TPST2: variants seen among roughly 807,000 people sequenced by gnomAD.
TPST2 encodes the protein tyrosylprotein sulfotransferase 2, also known as protein-tyrosine sulfotransferase 2.
In TPST2, 16 loss-of-function variants were observed where a neutral mutation model predicts 27.8. That is an observed-to-expected ratio of 0.58 (90% CI 0.39 to 0.88). The LOEUF (loss-of-function observed/expected upper bound fraction) is 0.88, where lower values mean the gene tolerates loss of function less well. TPST2 is among the 40% of genes least tolerant of loss of function. TPST2 has a pLI of 0.00. For missense variants in TPST2, 464 were observed against 543.1 expected, an observed-to-expected ratio of 0.85 and a Z score of 1.45; for synonymous variants, 229 against 231.7, an observed-to-expected ratio of 0.99 and a Z score of 0.10.
chr22:26,581,019 TAC>T (rs10540036), intron 1 of TPST2, among the ~76,000 whole-genome samples: 9,312 of 120,014 alleles, frequency 0.078, 306 homozygotes, highest in African/African-American at 0.11. Context: ...TCAACATACA[TAC>T]ACACACACAC....
chr22:26,543,167 T>C (rs1247097167), intron 2 of TPST2: 1 of 152,228 alleles, frequency 6.6e-6, no homozygotes, highest in East Asian at 1.9e-4. Flanking sequence ...GATCTCAGGC[T>C]GGGGTCACCG....
intron 1 of TPST2, among the ~76,000 whole-genome samples, chr22:26,577,351 C>CTT (rs546973106): frequency 1.7e-4 from 24 of 143,768 alleles, no homozygotes; most frequent in Middle Eastern, 3.5e-3. Flanking sequence ...AATATTTGCT[C>CTT]TTTTTTTTTT....
intron 1 of TPST2, among the ~76,000 whole-genome samples, chr22:26,585,847 G>A (rs754147223): frequency 1.3e-5 from 2 of 152,120 alleles, no homozygotes; most frequent in Admixed American, 6.5e-5. Context: ...TCAGGAGATC[G>A]AGACCATCCT....
rs1341604842 is a variant in TPST2, at chr22:26,523,278, T to C, written c.*2997A>G. ...CAAAATGGTTTTTTCCATACGTCTTTAAGATGATAATATTTATATGTTCAA... is the reference window on the plus strand; with the variant it reads ...CAAAATGGTTTTTTCCATACGTCTTCAAGATGATAATATTTATATGTTCAA... On this transcript the variant is annotated 3_prime_UTR_variant, in exon 7 of 7. Transcript: ENST00000338754. 1 of 152,228 alleles carries C rather than the reference T, an allele frequency of 6.6e-6. No individual in the cohort carries two copies. The highest frequency in any genetic ancestry group is 1.5e-5 in the Non-Finnish European group (1 of 68,044). 9.4% of individuals were successfully genotyped at this position (152,228 alleles called of 1,614,324 possible). A position where few individuals can be genotyped will look rare whatever the true frequency, so the allele number is the denominator to read the frequency against.
At chr22:26,536,995 A>G (rs1476533450) in intron 3 of TPST2, among the ~76,000 whole-genome samples, 2 of 152,148 alleles carry the variant, frequency 1.3e-5, no homozygotes, top group Admixed American at 1.3e-4. Context: ...AGAAGCAGTG[A>G]GCCTGAGCTG....
intron 1 of TPST2, 134 bp from the exon 2 acceptor site, chr22:26,544,809 C>T (rs1485223273): frequency 1.0e-5 from 3 of 289,822 alleles, no homozygotes; most frequent in South Asian, 1.3e-4. Context: ...CTCTGGAATG[C>T]AGGGGAGGCT....
At chr22:26,534,135 C>A (rs1925321716) in intron 4 of TPST2, among the ~76,000 whole-genome samples, 3 of 152,142 alleles carry the variant, frequency 2.0e-5, no homozygotes, top group African/African-American at 7.2e-5. Flanking sequence ...TCAGGGGCCA[C>A]ACATGGCTAG....
At chr22:26,583,460 C>T (rs1170144779) in intron 1 of TPST2, among the ~76,000 whole-genome samples, 2 of 114,914 alleles carry the variant, frequency 1.7e-5, no homozygotes, top group Non-Finnish European at 3.9e-5. Context: ...AAAAAAATGC[C>T]TTGAGGGCTT....
chr22:26,556,318 C>A (rs760096537), intron 1 of TPST2, among the ~76,000 whole-genome samples: 2 of 152,034 alleles, frequency 1.3e-5, no homozygotes, highest in African/African-American at 2.4e-5. Flanking sequence ...GTGGGCGGAT[C>A]ACCTGAGGTC....
At chr22:26,558,888 G>A (rs1422708284) in intron 1 of TPST2, among the ~76,000 whole-genome samples, 1 of 152,230 alleles carries the variant, frequency 6.6e-6, no homozygotes, top group Non-Finnish European at 1.5e-5. Context: ...AATAGGACAA[G>A]TGATGTTGCG....
At chr22:26,548,446 G>C (rs1016354607) in intron 1 of TPST2, among the ~76,000 whole-genome samples, 5 of 150,868 alleles carry the variant, frequency 3.3e-5, no homozygotes, top group African/African-American at 9.8e-5. Context: ...GAAAGGAAAG[G>C]GGAAAGGTAA....
chr22:26,578,732 G>T (rs1420063774), intron 1 of TPST2, among the ~76,000 whole-genome samples: 2 of 152,092 alleles, frequency 1.3e-5, no homozygotes, highest in African/African-American at 4.8e-5. Context: ...TCTGAGGCAT[G>T]GAAGACCCAG....
At chr22:26,551,385 T>C (rs1344224820) in intron 1 of TPST2, among the ~76,000 whole-genome samples, 1 of 152,192 alleles carries the variant, frequency 6.6e-6, no homozygotes, top group Non-Finnish European at 1.5e-5. Context: ...TATCATTGCA[T>C]TTTGTCTTAA....
At chr22:26,589,134 A>G (rs2145947702) in intron 1 of TPST2, among the ~76,000 whole-genome samples, 1 of 152,278 alleles carries the variant, frequency 6.6e-6, no homozygotes, top group South Asian at 2.1e-4. Flanking sequence ...GCTCTGCCAC[A>G]TCCTAGCTGT....
chr22:26,585,821 C>T (rs1044693892), intron 1 of TPST2, among the ~76,000 whole-genome samples: 2 of 152,104 alleles, frequency 1.3e-5, no homozygotes, highest in Non-Finnish European at 2.9e-5. Flanking sequence ...GAGGCCGAGG[C>T]GGGCGGATCA....
intron 5 of TPST2, among the ~76,000 whole-genome samples, chr22:26,529,629 G>T (rs184869665): frequency 1.3e-4 from 20 of 152,334 alleles, no homozygotes; most frequent in African/African-American, 4.8e-4. Flanking sequence ...ACATTGAGAG[G>T]CTGGGAGGGT....
At chr22:26,557,307 G>GCAT (rs1926852620) in intron 1 of TPST2, among the ~76,000 whole-genome samples, 1 of 152,196 alleles carries the variant, frequency 6.6e-6, no homozygotes, top group South Asian at 2.1e-4. Context: ...GCGTGCACCT[G>GCAT]CATCTACCCC....
chr22:26,551,514 GTC>G (rs1926467795), intron 1 of TPST2, among the ~76,000 whole-genome samples: 1 of 152,164 alleles, frequency 6.6e-6, no homozygotes, highest in Non-Finnish European at 1.5e-5. Context: ...GAAAACTCAA[GTC>G]TCTCTCTTTC....
intron 1 of TPST2, among the ~76,000 whole-genome samples, chr22:26,547,907 A>T (rs192208913): frequency 1.3e-3 from 198 of 152,338 alleles, no homozygotes; most frequent in Non-Finnish European, 2.1e-3. Flanking sequence ...GTGTCATCTT[A>T]TTGTCTTTCC....
Sources: allele counts gnomAD v4.1 joint callset (sites outside exome capture counted in the v4.1 genomes callset), GRCh38; gene constraint gnomAD v4.1.1; transcripts MANE v1.5; gene names NCBI Gene and HGNC (gene_info 2026-07-23, HGNC 2026-07-21).